The following UHRF1 variants were observed in gnomAD, a reference collection of about 807,000 sequenced individuals.
UHRF1 encodes the protein ubiquitin like with PHD and ring finger domains 1, also known as E3 ubiquitin-protein ligase UHRF1.
In UHRF1, 9 loss-of-function variants were observed where a neutral mutation model predicts 96.5. The ratio of observed to expected loss-of-function variants is 0.09; its 90% confidence interval spans 0.06 to 0.16. The LOEUF (loss-of-function observed/expected upper bound fraction) is 0.16, where lower values mean the gene tolerates loss of function less well. UHRF1 is among the 10% of genes least tolerant of loss of function. UHRF1 has a pLI of 1.00. For missense variants in UHRF1, 626 were observed against 1,131.1 expected (o/e 0.55, Z 6.40); for synonymous variants, 455 against 469.9 (o/e 0.97, Z 0.41).
chr19:4,931,099 G>C (rs1024075905), intron 4 of UHRF1, among the ~76,000 whole-genome samples: 1 of 152,162 alleles, frequency 6.6e-6, no homozygotes, highest in Non-Finnish European at 1.5e-5. Flanking sequence ...GGTTCTGCTC[G>C]ATCAGTGGCT....
chr19:4,917,076 G>A lies in UHRF1; in HGVS notation c.153+6038G>A, dbSNP rs1478584235. ...TAGGAAGTGGGCAGCTCGGTGGGGG[G>A]GGGGGGTGCAGTGAGCTTTTAGTCT... On this transcript the variant is annotated intron_variant, in intron 2 of 16. Coordinates refer to ENST00000650932, the MANE Select transcript of UHRF1 (RefSeq NM_001048201.3). Among the ~76,000 whole-genome samples, 10 of 151,784 alleles carry A rather than the reference G, an allele frequency of 6.6e-5. No homozygotes were observed. The East Asian group carries it at 1.4e-3, about 21-fold the overall frequency.
At position 4,960,743 on chromosome 19, in the gene UHRF1, G is replaced by A; in HGVS notation, c.2322G>A (p.Val774=). The change falls in exon 17 of 17, where the codon GTG becomes GTA. Residue 774 remains valine (V), a synonymous_variant. Coordinates refer to ENST00000650932, the MANE Select transcript of UHRF1 (RefSeq NM_001048201.3). ...YDLGRSYAMQ[V]NQPLQTVLNQ... ...TGGGCCGCAGCTATGCCATGCAGGT[G>A]AACCAGCCTCTGCAGACCGTCCTCA... 6.4e-7 allele frequency: 1 copy of A among 1,570,050 alleles called. No individual in the cohort carries two copies. Among genetic ancestry groups the A allele is most frequent in the Non-Finnish European group, 8.6e-7 (1 of 1,158,128 alleles).
rs550700694 is a variant in UHRF1, at chr19:4,951,825, C to T, written c.1818+829C>T. ...ACCTCCCTGTGGCGATGGGAACTGC[C>T]GAGAACTTACTCAACAAGCGGCGCA... On this transcript the variant is annotated intron_variant, in intron 13 of 16. Coordinates refer to ENST00000650932, the MANE Select transcript of UHRF1 (RefSeq NM_001048201.3). Among the ~76,000 whole-genome samples, 18 of 152,176 alleles carry T rather than the reference C, an allele frequency of 1.2e-4. No individual in the cohort carries two copies. In the South Asian group the frequency reaches 1.2e-3, roughly 11 times the overall value.
intron 7 of UHRF1, among the ~76,000 whole-genome samples, chr19:4,943,097 A>G (rs988833710): frequency 3.3e-5 from 5 of 150,910 alleles, no homozygotes; most frequent in African/African-American, 7.3e-5. Context: ...AAAGTTAGCC[A>G]GGCGTGGTGC....
At chr19:4,913,549 C>T (rs962039738) in intron 2 of UHRF1, among the ~76,000 whole-genome samples, 1 of 151,902 alleles carries the variant, frequency 6.6e-6, no homozygotes, top group Non-Finnish European at 1.5e-5. Context: ...ACCACTGCAC[C>T]CAGCCACGTA....
chr19:4,944,562 C>A, intron 9 of UHRF1, 112 bp downstream of exon 9: 1 of 1,173,896 alleles, frequency 8.5e-7, no homozygotes, highest in Non-Finnish European at 1.2e-6. Context: ...CCAGTGGTGC[C>A]TCGGCTAGCC....
At chr19:4,947,612 TG>T (rs2145193384) in intron 11 of UHRF1, among the ~76,000 whole-genome samples, 2 of 145,920 alleles carry the variant, frequency 1.4e-5, no homozygotes, top group East Asian at 4.6e-4. Context: ...GCGATTCTCA[TG>T]CCTCAGCCTC....
chr19:4,909,841 G>C lies in UHRF1; in HGVS notation c.-11+186G>C, dbSNP rs1006708779. ...CCCCGGCACACATCCGGCTGGAGCC[G>C]GGACCAGCGCTGCGTCCCCGGAGCC... On this transcript the variant is annotated intron_variant, in intron 1 of 16. Transcript: ENST00000650932. 1.2e-5 allele frequency: 5 copies of C among 402,104 alleles called. No individual in the cohort carries two copies. In the East Asian group the frequency reaches 1.5e-4, roughly 12 times the overall value. The allele number at this position is 402,104 out of a possible 1,614,324, so 24.9% of individuals were successfully genotyped here.
rs548796456 is a variant in UHRF1, at chr19:4,910,264, C to T, written c.-11+609C>T. Reference sequence around the variant, plus strand: ...AGGTCGAGGTGAGTCGCGGGGCGCGCGCGCTCGCGGGTGGCCGGGACGGGG... The same window carrying T: ...AGGTCGAGGTGAGTCGCGGGGCGCGTGCGCTCGCGGGTGGCCGGGACGGGG... On this transcript the variant is annotated intron_variant, in intron 1 of 16. Coordinates refer to ENST00000650932, the MANE Select transcript of UHRF1 (RefSeq NM_001048201.3). The T allele has an allele frequency of 8.4e-3, 1,202 of 143,774 alleles. 11 individuals are homozygous for T. Among genetic ancestry groups the T allele is most frequent in the Middle Eastern group, 0.016 (4 of 250 alleles). The allele number at this position is 143,774 out of a possible 1,614,324, so 8.9% of individuals were successfully genotyped here. A position where few individuals can be genotyped will look rare whatever the true frequency, so the allele number is the denominator to read the frequency against.
chr19:4,917,325 C>CT (rs917685151), intron 2 of UHRF1, among the ~76,000 whole-genome samples: 12 of 151,760 alleles, frequency 7.9e-5, no homozygotes, highest in Middle Eastern at 6.8e-3. Flanking sequence ...TATCTGGACA[C>CT]TTTTTTTTCT....
At chr19:4,950,150 C>T (rs577813354) in intron 11 of UHRF1, among the ~76,000 whole-genome samples, 8 of 151,350 alleles carry the variant, frequency 5.3e-5, no homozygotes, top group East Asian at 1.9e-4. Context: ...GGATTAGAGG[C>T]GTGAGCCACG....
intron 2 of UHRF1, among the ~76,000 whole-genome samples, chr19:4,922,931 A>C (rs994553522): frequency 6.6e-6 from 1 of 152,208 alleles, no homozygotes; most frequent in Non-Finnish European, 1.5e-5. Context: ...GAAGGGCCGA[A>C]GTCATGGAGG....
At chr19:4,918,859 T>C (rs1353226732) in intron 2 of UHRF1, among the ~76,000 whole-genome samples, 1 of 151,410 alleles carries the variant, frequency 6.6e-6, no homozygotes, top group African/African-American at 2.4e-5. Flanking sequence ...TAGCAGGGAC[T>C]ATAGGCTGTA....
chr19:4,907,450 G>A (rs2032087473), upstream of UHRF1, among the ~76,000 whole-genome samples: 1 of 151,846 alleles, frequency 6.6e-6, no homozygotes, highest in South Asian at 2.1e-4. Context: ...TGTATTTTTA[G>A]TAGAGATGGG....
intron 5 of UHRF1, among the ~76,000 whole-genome samples, chr19:4,936,803 C>CA (rs200751668): frequency 0.06 from 4,156 of 69,450 alleles, 128 homozygotes; most frequent in Admixed American, 0.13. Context: ...AGAGAGTCTG[C>CA]AAAAAAAAAA....
chr19:4,951,042 G>A lies in UHRF1; in HGVS notation c.1818+46G>A, dbSNP rs887063857. ...GGCACTTTGGGAGGCCAAGGCGGAT[G>A]GATCACTTACGTTAGGAGTTCAAGA... On this transcript the variant is annotated intron_variant, in intron 13 of 16. Coordinates refer to ENST00000650932, the MANE Select transcript of UHRF1 (RefSeq NM_001048201.3). 2.0e-6 allele frequency: 3 copies of A among 1,530,828 alleles called. No individual in the cohort carries two copies. The African/African-American group carries it at 4.2e-5, about 21-fold the overall frequency. The allele number at this position is 1,530,828 out of a possible 1,614,324, so 94.8% of individuals were successfully genotyped here.
chr19:4,912,412 G>A (rs17881450), intron 2 of UHRF1, among the ~76,000 whole-genome samples: 5 of 152,154 alleles, frequency 3.3e-5, no homozygotes, highest in African/African-American at 7.2e-5. Flanking sequence ...AGTTCACAGC[G>A]TAGGTCAGTG....
rs1316712309 is a variant in UHRF1, at chr19:4,929,613, T to C, written c.408+137T>C. ...CTGGGCAGAAATGGCCAAGGGGTGG[T>C]TTCCTGCACGTTCCTTGAGGGGAAC... On this transcript the variant is annotated intron_variant, in intron 3 of 16. Coordinates refer to ENST00000650932, the MANE Select transcript of UHRF1 (RefSeq NM_001048201.3). 27 of 1,243,640 alleles carry C rather than the reference T, an allele frequency of 2.2e-5. 1 individual carries two copies. Among genetic ancestry groups the C allele is most frequent in the Non-Finnish European group, 2.7e-5 (25 of 909,570 alleles). The allele number at this position is 1,243,640 out of a possible 1,614,324, so 77.0% of individuals were successfully genotyped here.
exon 1 of UHRF1, chr19:4,903,134 C>T (rs545196502): frequency 2.9e-6 from 1 of 340,990 alleles, no homozygotes; most frequent in East Asian, 6.1e-5. Flanking sequence ...TCAAGCAATT[C>T]TCCTGCCTCA....
Sources: gnomAD v4.1 joint callset for allele counts (sites outside exome capture counted in the v4.1 genomes callset) on GRCh38, gnomAD v4.1.1 for gene constraint, MANE v1.5 for transcripts, NCBI Gene and HGNC (gene_info 2026-07-23, HGNC 2026-07-21) for gene names.